The following DLG2 variants were observed in gnomAD, a reference collection of about 807,000 sequenced individuals.
DLG2 encodes disks large homolog 2.
DLG2 carries 45 observed loss-of-function variants against 132.5 expected under a neutral mutation model. The observed-to-expected ratio is 0.34, with a 90% CI of 0.27 to 0.44. The LOEUF (loss-of-function observed/expected upper bound fraction) is 0.44, where lower values mean the gene tolerates loss of function less well. Ranked by LOEUF, DLG2 falls within the 20% of genes least tolerant of loss-of-function variation. The pLI, the probability that DLG2 is intolerant of heterozygous loss-of-function variation, is 1.00. For missense variants in DLG2, 1,045 were observed against 1,196.9 expected (o/e 0.87, Z 1.87); for synonymous variants, 424 against 419.6 (o/e 1.01, Z -0.13).
chr11:85,621,537 A>G (rs934768372), intron 2 of DLG2, among the ~76,000 whole-genome samples: 2 of 152,224 alleles, frequency 1.3e-5, no homozygotes, highest in African/African-American at 4.8e-5. Context: ...GGAGGTCAAA[A>G]TATCAACATT....
At chr11:85,041,467 A>C (rs1465042478) in intron 6 of DLG2, among the ~76,000 whole-genome samples, 5 of 151,914 alleles carry the variant, frequency 3.3e-5, no homozygotes, top group African/African-American at 9.7e-5. Context: ...AAGGCATGTC[A>C]ATTTCATAGA....
Position 85,400,421 on chromosome 11 carries a change from C to T in DLG2, c.41-115056G>A, listed in dbSNP as rs1358449821. 9.5e-4 allele frequency among the ~76,000 whole-genome samples: 136 copies of T among 143,364 alleles called. 1 individual carries two copies. Among genetic ancestry groups the T allele is most frequent in the African/African-American group, 3.4e-3 (130 of 38,196 alleles). The allele number at this position is 143,364 out of a possible 152,430, so 94.1% of individuals were successfully genotyped here. A position where few individuals can be genotyped will look rare whatever the true frequency, so the allele number is the denominator to read the frequency against. The stretch of plus-strand genomic sequence containing the variant: ...TAGAAATACCATTTGACCCAGCCAT[C>T]CCATTACTGGGTATATACCCAAAGG... On this transcript the variant is annotated intron_variant, in intron 3 of 27. Coordinates refer to ENST00000376104, the MANE Select transcript of DLG2 (RefSeq NM_001142699.3).
intron 11 of DLG2, among the ~76,000 whole-genome samples, chr11:83,993,709 C>T (rs747065840): frequency 6.6e-5 from 10 of 152,112 alleles, no homozygotes; most frequent in African/African-American, 1.4e-4. Flanking sequence ...TAGGCACTGC[C>T]TCTAGCTATC....
intron 3 of DLG2, among the ~76,000 whole-genome samples, chr11:85,392,105 T>C (rs537656499): frequency 2.6e-5 from 4 of 152,154 alleles, no homozygotes; most frequent in African/African-American, 9.6e-5. Flanking sequence ...GAAAACAAAA[T>C]TAATGTAAAA....
chr11:85,586,775 A>T (rs1017326365), intron 3 of DLG2, among the ~76,000 whole-genome samples: 7 of 151,888 alleles, frequency 4.6e-5, no homozygotes, highest in African/African-American at 1.7e-4. Flanking sequence ...TAGTTCCTTC[A>T]GGTGTGACTT....
chr11:84,115,860 T>A (rs1299266349), intron 9 of DLG2, among the ~76,000 whole-genome samples: 1 of 152,202 alleles, frequency 6.6e-6, no homozygotes, highest in Non-Finnish European at 1.5e-5. Context: ...CTCACTAGAG[T>A]ATAAGCTCCA....
intron 6 of DLG2, among the ~76,000 whole-genome samples, chr11:84,714,647 T>TCTCTCTCTCTC (rs2060981509): frequency 2.2e-5 from 2 of 90,650 alleles, no homozygotes; most frequent in Non-Finnish European, 2.1e-5. Flanking sequence ...CTCTCTCTCT[T>TCTCTCTCTCTC]TCTCTCTCTC....
intron 3 of DLG2, among the ~76,000 whole-genome samples, chr11:85,454,415 T>C (rs2092351919): frequency 6.6e-6 from 1 of 152,158 alleles, no homozygotes. Context: ...ATGTTCTGTA[T>C]CGATTTTGCA....
intron 6 of DLG2, among the ~76,000 whole-genome samples, chr11:85,017,110 T>A (rs1428855969): frequency 1.3e-5 from 2 of 152,202 alleles, no homozygotes; most frequent in Non-Finnish European, 2.9e-5. Context: ...CTAAAATATT[T>A]ACTCTCTAGC....
intron 3 of DLG2, among the ~76,000 whole-genome samples, chr11:85,550,065 AAT>A (rs142915359): frequency 1.3e-4 from 20 of 152,350 alleles, no homozygotes; most frequent in African/African-American, 4.8e-4. Context: ...TTACTTTCTT[AAT>A]AAACTTGCTT....
intron 4 of DLG2, among the ~76,000 whole-genome samples, chr11:85,189,580 A>G (rs2080377668): frequency 6.6e-6 from 1 of 152,240 alleles, no homozygotes; most frequent in Non-Finnish European, 1.5e-5. Context: ...TGGTTGTCAT[A>G]GACTAGATGT....
At chr11:84,846,698 A>T (rs1248667990) in intron 6 of DLG2, among the ~76,000 whole-genome samples, 1 of 152,138 alleles carries the variant, frequency 6.6e-6, no homozygotes, top group African/African-American at 2.4e-5. Context: ...TCCCACAAGG[A>T]ACTTTGACTG....
chr11:83,939,338 C>T (rs1484966771), intron 14 of DLG2, among the ~76,000 whole-genome samples: 1 of 152,050 alleles, frequency 6.6e-6, no homozygotes, highest in Non-Finnish European at 1.5e-5. Flanking sequence ...AGCTGGGTAT[C>T]CCACTGGTAT....
In DLG2 at chr11:85,537,280, G is replaced by A. The variant is rs111816079; in HGVS notation, c.40+61377C>T. Among the ~76,000 whole-genome samples the A allele has an allele frequency of 5.7e-3, 873 of 152,280 alleles. 7 individuals carry two copies. The highest frequency in any genetic ancestry group is 0.019 in the African/African-American group (809 of 41,562). Reference sequence around the variant, plus strand: ...AGGATGTGGGTGGGGCAAGATAAGGGAATAAAAGCAGGCGACCAGAGCCAG... The same window carrying A: ...AGGATGTGGGTGGGGCAAGATAAGGAAATAAAAGCAGGCGACCAGAGCCAG... On this transcript the variant is annotated intron_variant, in intron 3 of 27. Transcript: ENST00000376104.
At chr11:83,732,848 T>C (rs543774342) in intron 18 of DLG2, among the ~76,000 whole-genome samples, 4 of 152,276 alleles carry the variant, frequency 2.6e-5, no homozygotes, top group East Asian at 1.9e-4. Context: ...GGAAACACTT[T>C]CGCTGAGGTA....
At chr11:84,549,069 T>C (rs771347845) in intron 6 of DLG2, among the ~76,000 whole-genome samples, 30 of 152,218 alleles carry the variant, frequency 2.0e-4, no homozygotes, top group Non-Finnish European at 3.8e-4. Flanking sequence ...TCTCTAGTCC[T>C]GGAAAGGGTT....
chr11:84,851,437 G>T (rs1199156766), intron 6 of DLG2, among the ~76,000 whole-genome samples: 1 of 151,986 alleles, frequency 6.6e-6, no homozygotes, highest in African/African-American at 2.4e-5. Flanking sequence ...TAACTCACTG[G>T]AATTGAATTC....
intron 15 of DLG2, among the ~76,000 whole-genome samples, chr11:83,929,475 C>T (rs2079723633): frequency 1.3e-5 from 2 of 152,170 alleles, no homozygotes; most frequent in Admixed American, 1.3e-4. Flanking sequence ...CCAACTCAGG[C>T]TACTATGAAA....
chr11:85,331,366 G>C (rs548266715), intron 3 of DLG2, among the ~76,000 whole-genome samples: 2 of 152,186 alleles, frequency 1.3e-5, no homozygotes, highest in African/African-American at 4.8e-5. Context: ...GATGCTAGCG[G>C]TAATAAAATC....
Sources: allele counts gnomAD v4.1 joint callset (sites outside exome capture counted in the v4.1 genomes callset), GRCh38; gene constraint gnomAD v4.1.1; transcripts MANE v1.5; gene names NCBI Gene and HGNC (gene_info 2026-07-23, HGNC 2026-07-21).